The following ZFYVE9 variants were observed in gnomAD, a reference collection of about 807,000 sequenced individuals.
ZFYVE9 encodes zinc finger FYVE-type containing 9, also known as zinc finger FYVE domain-containing protein 9.
In ZFYVE9, 43 loss-of-function variants were observed where a neutral mutation model predicts 126.7. The ratio of observed to expected loss-of-function variants is 0.34; its 90% confidence interval spans 0.27 to 0.44. The LOEUF is 0.44. ZFYVE9 is among the 20% of genes least tolerant of loss of function. ZFYVE9 has a pLI of 1.00. For synonymous variants in ZFYVE9, 521 were observed against 597.4 expected, an observed-to-expected ratio of 0.87 and a Z score of 1.87; for missense variants, 1,476 against 1,697.0, an observed-to-expected ratio of 0.87 and a Z score of 2.29.
At position 52,263,768 on chromosome 1, in the gene ZFYVE9, C is replaced by T; in HGVS notation, c.2179-5C>T. The stretch of plus-strand genomic sequence containing the variant: ...TGTGTGTTCTTCCCCCCCCCCCCCC[C>T]ACAGGTTTTCTGTGCTTCCTGCTGT... On this transcript the variant is annotated splice_polypyrimidine_tract_variant and splice_region_variant and intron_variant, in intron 4 of 18. Coordinates refer to ENST00000287727, the MANE Select transcript of ZFYVE9 (RefSeq NM_004799.4). The T allele has an allele frequency of 5.8e-6, 7 of 1,203,956 alleles. No homozygotes were observed. The highest frequency in any genetic ancestry group is 8.0e-6 in the Non-Finnish European group (7 of 880,038). The allele number at this position is 1,203,956 out of a possible 1,614,324, so 74.6% of individuals were successfully genotyped here. A position where few individuals can be genotyped will look rare whatever the true frequency, so the allele number is the denominator to read the frequency against.
At chr1:52,292,145 G>A (rs1421316104) in intron 10 of ZFYVE9, among the ~76,000 whole-genome samples, 3 of 151,692 alleles carry the variant, frequency 2.0e-5, no homozygotes, top group Non-Finnish European at 2.9e-5. Flanking sequence ...AGCTGAGTGT[G>A]GTGGTGCATG....
At chr1:52,329,803 G>A (rs1235074417) in intron 13 of ZFYVE9, among the ~76,000 whole-genome samples, 1 of 152,144 alleles carries the variant, frequency 6.6e-6, no homozygotes, top group Non-Finnish European at 1.5e-5. Context: ...TACTCGGGAG[G>A]CTGAGGCAGG....
At chr1:52,145,089 C>T (rs987842351) in intron 1 of ZFYVE9, among the ~76,000 whole-genome samples, 1 of 152,166 alleles carries the variant, frequency 6.6e-6, no homozygotes, top group Admixed American at 6.5e-5. Flanking sequence ...GTGGAACGTG[C>T]TAAATCTCTG....
chr1:52,184,296 C>T (rs955708659), intron 1 of ZFYVE9, among the ~76,000 whole-genome samples: 1 of 148,414 alleles, frequency 6.7e-6, no homozygotes, highest in Non-Finnish European at 1.5e-5. Flanking sequence ...ATGATTTTGG[C>T]TCACTGCAAC....
In ZFYVE9 at chr1:52,308,686, G is replaced by A. The variant is rs577382666; in HGVS notation, c.3438+4761G>A. 3.3e-5 allele frequency among the ~76,000 whole-genome samples: 5 copies of A among 152,208 alleles called. No homozygotes were observed. In the East Asian group the frequency reaches 5.8e-4, roughly 18 times the overall value. On this transcript the variant is annotated intron_variant, in intron 13 of 18. Coordinates refer to ENST00000287727, the MANE Select transcript of ZFYVE9 (RefSeq NM_004799.4). Reference sequence around the variant, plus strand: ...CCCCACTCATTATTCAGGTGTCACTGTAAATGACATTTTTTTCACATATAC... The same window carrying A: ...CCCCACTCATTATTCAGGTGTCACTATAAATGACATTTTTTTCACATATAC...
At chr1:52,255,945 TTTC>T (rs1557484091) in intron 4 of ZFYVE9, among the ~76,000 whole-genome samples, 2 of 123,716 alleles carry the variant, frequency 1.6e-5, no homozygotes, top group South Asian at 2.4e-4. Context: ...TTTCTTTTCT[TTTC>T]TTTTCTTTTC....
intron 1 of ZFYVE9, among the ~76,000 whole-genome samples, chr1:52,181,114 G>A (rs1644697361): frequency 6.6e-6 from 1 of 150,708 alleles, no homozygotes; most frequent in Non-Finnish European, 1.5e-5. Flanking sequence ...CTCTTTCCAC[G>A]GTCTCCCTCT....
intron 2 of ZFYVE9, among the ~76,000 whole-genome samples, chr1:52,217,564 G>A (rs1645083979): frequency 6.6e-6 from 1 of 152,202 alleles, no homozygotes; most frequent in South Asian, 2.1e-4. Context: ...GCTTCTATGA[G>A]CCTTTGGGTT....
chr1:52,194,458 G>A (rs1478628954), intron 1 of ZFYVE9, among the ~76,000 whole-genome samples: 3 of 152,086 alleles, frequency 2.0e-5, no homozygotes, highest in East Asian at 3.8e-4. Context: ...TAGGCAGTTT[G>A]CAGAAAGGCC....
At chr1:52,250,950 G>A (rs562233319) in intron 4 of ZFYVE9, among the ~76,000 whole-genome samples, 6 of 152,140 alleles carry the variant, frequency 3.9e-5, no homozygotes, top group African/African-American at 9.6e-5. Context: ...AGGCACAAGC[G>A]ATCTGCCTGT....
In ZFYVE9 at chr1:52,142,567, A is replaced by G. The variant is rs1337708334; in HGVS notation, c.-143+164A>G. Reference sequence around the variant, plus strand: ...GCCCTTTCTCCCCGCGTCCCCCGGGAGGCTGAAGGCCGTGGGGGGCGATTA... The same window carrying G: ...GCCCTTTCTCCCCGCGTCCCCCGGGGGGCTGAAGGCCGTGGGGGGCGATTA... On this transcript the variant is annotated intron_variant, in intron 1 of 18. Transcript: ENST00000287727. This position sits in a 1 kb window ranked among gnomAD's most constrained non-coding sequence, Gnocchi z 4.5. Among the ~76,000 whole-genome samples the G allele has an allele frequency of 6.6e-6, 1 of 151,990 alleles. No homozygotes were observed.
intron 1 of ZFYVE9, among the ~76,000 whole-genome samples, chr1:52,198,190 C>T (rs1419120506): frequency 2.3e-5 from 3 of 128,272 alleles, no homozygotes; most frequent in Non-Finnish European, 4.7e-5. Context: ...GATGCTATCT[C>T]GGCTCACTAC....
intron 8 of ZFYVE9, 110 bp downstream of exon 8, chr1:52,274,694 A>G: frequency 1.7e-6 from 2 of 1,204,346 alleles, no homozygotes; most frequent in Non-Finnish European, 2.2e-6. Context: ...CTTATCCAAC[A>G]AAACAAACTC....
At chr1:52,209,996 A>G (rs977381704) in intron 1 of ZFYVE9, among the ~76,000 whole-genome samples, 1 of 152,198 alleles carries the variant, frequency 6.6e-6, no homozygotes, top group Non-Finnish European at 1.5e-5. Context: ...AATCTAGGCA[A>G]CAGAAAGATG....
At chr1:52,229,732 C>T (rs1645200351) in intron 2 of ZFYVE9, among the ~76,000 whole-genome samples, 1 of 152,110 alleles carries the variant, frequency 6.6e-6, no homozygotes, top group African/African-American at 2.4e-5. Context: ...GAGAGATTGA[C>T]AAATAATCAC....
chr1:52,314,654 C>T (rs1166849857), intron 13 of ZFYVE9, among the ~76,000 whole-genome samples: 1 of 152,046 alleles, frequency 6.6e-6, no homozygotes, highest in African/African-American at 2.4e-5. Flanking sequence ...CTGGTCTCTA[C>T]TAAAAATAGA....
intron 13 of ZFYVE9, among the ~76,000 whole-genome samples, chr1:52,314,069 A>T: frequency 6.6e-6 from 1 of 152,252 alleles, no homozygotes; most frequent in East Asian, 1.9e-4. Context: ...TGGTTAAAAA[A>T]TTTCCAAATT....
intron 4 of ZFYVE9, chr1:52,253,508 C>T (rs1645472466): frequency 9.3e-6 from 6 of 643,282 alleles, no homozygotes; most frequent in South Asian, 3.9e-5. Flanking sequence ...TAAAAAGCCA[C>T]ACGTGGGTCG....
At chr1:52,176,222 C>G (rs1350389633) in intron 1 of ZFYVE9, among the ~76,000 whole-genome samples, 1 of 152,276 alleles carries the variant, frequency 6.6e-6, no homozygotes, top group South Asian at 2.1e-4. Context: ...ACAGATAGGA[C>G]CCTCAGCTGC....
Sources: gnomAD v4.1 joint callset for allele counts (sites outside exome capture counted in the v4.1 genomes callset) on GRCh38, gnomAD v4.1.1 for gene constraint, Gnocchi (gnomAD v3.1) non-coding constraint, MANE v1.5 for transcripts, NCBI Gene and HGNC (gene_info 2026-07-23, HGNC 2026-07-21) for gene names.